The following MAST3 variants were observed in gnomAD, a reference collection of about 807,000 sequenced individuals.
MAST3 encodes the protein microtubule associated serine/threonine kinase 3.
Under a neutral mutation model 127.0 loss-of-function variants are expected in MAST3, and 43 were observed. The observed-to-expected ratio is 0.34, with a 90% confidence interval of 0.27 to 0.44. The LOEUF is 0.44. Ranked by LOEUF, MAST3 falls within the 20% of genes least tolerant of loss-of-function variation. The pLI is 1.00. For synonymous variants in MAST3, 785 were observed against 809.2 expected (o/e 0.97, Z 0.51); for missense variants, 1,390 against 1,919.1 (o/e 0.72, Z 5.15).
chr19:18,136,797 T>C (rs2041936295), intron 18 of MAST3, among the ~76,000 whole-genome samples: 1 of 151,816 alleles, frequency 6.6e-6, no homozygotes, highest in Non-Finnish European at 1.5e-5. Flanking sequence ...TTTGTTCCCA[T>C]TTTTCTGGTT....
chr19:18,132,087 G>A (rs1390845242), intron 15 of MAST3, 40 bp downstream of exon 15: 2 of 1,608,614 alleles, frequency 1.2e-6, no homozygotes, highest in Middle Eastern at 1.7e-4. Flanking sequence ...GCGGAGGGCG[G>A]GGCCAGAGAG....
At chr19:18,117,171 G>A (rs1320250252) in intron 3 of MAST3, among the ~76,000 whole-genome samples, 1 of 152,130 alleles carries the variant, frequency 6.6e-6, no homozygotes, top group African/African-American at 2.4e-5. Context: ...TCTGTTTTCA[G>A]TATGGGGGAT....
Position 18,145,996 on chromosome 19 carries a change from A to T in MAST3, c.3162+131A>T. ...TGTCAACTCCAGGCCTGGCACATCCACTTCCTTCGGCCCAGAATACATGTC... is the reference window on the plus strand; with the variant it reads ...TGTCAACTCCAGGCCTGGCACATCCTCTTCCTTCGGCCCAGAATACATGTC... On this transcript the variant is annotated intron_variant, in intron 25 of 27. Coordinates refer to ENST00000687212, the MANE Select transcript of MAST3 (RefSeq NM_001393504.1). The surrounding 1 kb of genome is among the most constrained non-coding windows in gnomAD (Gnocchi z 5.9). 8.7e-7 allele frequency: 1 copy of T among 1,150,520 alleles called. No homozygotes were observed. 71.3% of individuals were successfully genotyped at this position (1,150,520 alleles called of 1,614,324 possible).
chr19:18,135,034 G>A, intron 17 of MAST3, 52 bp downstream of exon 17: 1 of 1,536,148 alleles, frequency 6.5e-7, no homozygotes, highest in Non-Finnish European at 8.8e-7. Flanking sequence ...CCAGAGCTCT[G>A]GGCAGCGGTC....
At chr19:18,123,505 G>T (rs1305840578) in intron 7 of MAST3, 75 bp from the exon 8 acceptor site, 3 of 1,470,006 alleles carry the variant, frequency 2.0e-6, no homozygotes, top group Non-Finnish European at 2.7e-6. Context: ...CCTCAACCCT[G>T]GCTCAGATCC....
At position 18,123,651 on chromosome 19, in the gene MAST3, C is replaced by T. The variant is rs779431528; in HGVS notation, c.629C>T (p.Pro210Leu). 6.3e-7 allele frequency: 1 copy of T among 1,576,790 alleles called. No homozygotes were observed. The highest frequency in any genetic ancestry group is 2.3e-5 in the East Asian group (1 of 44,168). Residue 210 changes from proline (P) to leucine (L), a missense_variant, in exon 8 of 28, where the codon CCC becomes CTC. By Grantham distance (98) the Pro-to-Leu change is moderately conservative (BLOSUM62 -3). This residue lies in a region of MAST3 where 277 missense variants were observed against 384.8 expected (regional missense o/e 0.72). Coordinates refer to ENST00000687212, the MANE Select transcript of MAST3 (RefSeq NM_001393504.1). ...MMNHVYRERF[P>L]KATAQMEGRL... Reference sequence around the variant, plus strand: ...AATCACGTGTACCGGGAGAGGTTCCCCAAGGTGGGCAGCGCCTGGCGGCTG... The same window carrying T: ...AATCACGTGTACCGGGAGAGGTTCCTCAAGGTGGGCAGCGCCTGGCGGCTG...
Position 18,144,371 on chromosome 19 carries a change from G to C in MAST3, c.2585-95G>C, listed in dbSNP as rs959635423. 3 of 1,074,748 alleles carry C rather than the reference G, an allele frequency of 2.8e-6. No individual in the cohort carries two copies. The highest frequency in any genetic ancestry group is 1.4e-5 in the South Asian group (1 of 73,846). The allele number at this position is 1,074,748 out of a possible 1,614,324, so 66.6% of individuals were successfully genotyped here. A position where few individuals can be genotyped will look rare whatever the true frequency, so the allele number is the denominator to read the frequency against. On this transcript the variant is annotated intron_variant, in intron 22 of 27. Coordinates refer to ENST00000687212, the MANE Select transcript of MAST3 (RefSeq NM_001393504.1). This position sits in a 1 kb window ranked among gnomAD's most constrained non-coding sequence, Gnocchi z 4.0. ...TGAGCAAAGGCCAGGAGGCTGGACT[G>C]TGTAAATAGTGACCAGGGAGGAAGG...
At position 18,107,469 on chromosome 19, in the gene MAST3, G is replaced by T. The variant is rs192841426; in HGVS notation, c.40-118G>T. 15 of 1,025,216 alleles carry T rather than the reference G, an allele frequency of 1.5e-5. No homozygotes were observed. In the East Asian group the frequency reaches 3.3e-4, roughly 23 times the overall value. The allele number at this position is 1,025,216 out of a possible 1,614,324, so 63.5% of individuals were successfully genotyped here. A position where few individuals can be genotyped will look rare whatever the true frequency, so the allele number is the denominator to read the frequency against. On this transcript the variant is annotated intron_variant, in intron 1 of 27. Coordinates refer to ENST00000687212, the MANE Select transcript of MAST3 (RefSeq NM_001393504.1). ...GCAGGGCTGAGCCAGTGTGTAGAGT[G>T]AGCGGGAAAGATGCATTGGTTGGGG...
chr19:18,105,090 G>A (rs748440537), intron 1 of MAST3, among the ~76,000 whole-genome samples: 5 of 152,152 alleles, frequency 3.3e-5, no homozygotes, highest in Non-Finnish European at 5.9e-5. Context: ...GTGATTGACC[G>A]GGTGCGATGG....
At chr19:18,117,476 T>A (rs1160798900) in intron 3 of MAST3, among the ~76,000 whole-genome samples, 1 of 151,898 alleles carries the variant, frequency 6.6e-6, no homozygotes, top group Non-Finnish European at 1.5e-5. Flanking sequence ...ACACCCTCTA[T>A]GCCAGTCCGG....
chr19:18,114,119 C>T (rs980679145), intron 3 of MAST3, among the ~76,000 whole-genome samples: 1 of 152,184 alleles, frequency 6.6e-6, no homozygotes, highest in Admixed American at 6.5e-5. Context: ...TCCTTCCAGG[C>T]CCCACAAACA....
chr19:18,144,216 A>G lies in MAST3; in HGVS notation c.2584+209A>G, dbSNP rs373302231. On this transcript the variant is annotated intron_variant, in intron 22 of 27. Coordinates refer to ENST00000687212, the MANE Select transcript of MAST3 (RefSeq NM_001393504.1). This position sits in a 1 kb window ranked among gnomAD's most constrained non-coding sequence, Gnocchi z 4.0. ...CCCAGCTTCATAGAGTCAGGATGGG[A>G]CCCCTAGCTCCCAAGATGGGGGAAC... Among the ~76,000 whole-genome samples the G allele has an allele frequency of 1.6e-4, 24 of 152,122 alleles. No individual in the cohort carries two copies. In the East Asian group the frequency reaches 4.6e-3, roughly 29 times the overall value.
chr19:18,122,406 G>A (rs1205231272), intron 5 of MAST3, among the ~76,000 whole-genome samples: 2 of 151,712 alleles, frequency 1.3e-5, no homozygotes, highest in Non-Finnish European at 2.9e-5. Flanking sequence ...GGTGGTCAAT[G>A]TGTGCCCCAG....
intron 20 of MAST3, among the ~76,000 whole-genome samples, chr19:18,140,484 A>C (rs929226608): frequency 1.3e-4 from 20 of 152,184 alleles, no homozygotes; most frequent in African/African-American, 4.3e-4. Context: ...TGATTCCCCC[A>C]AAAATTTGTA....
Position 18,144,082 on chromosome 19 carries a change from C to T in MAST3, c.2584+75C>T. On this transcript the variant is annotated intron_variant, in intron 22 of 27. Transcript: ENST00000687212. The surrounding 1 kb of genome is among the most constrained non-coding windows in gnomAD (Gnocchi z 4.0). ...GGAGGGGCTATTTGAGATGGGTTTT[C>T]AAGGATGAGTAGGAGTTCTCCAGAG... is the stretch of plus-strand genomic sequence containing the variant. 2 of 1,510,496 alleles carry T rather than the reference C, an allele frequency of 1.3e-6. No individual in the cohort carries two copies. The allele number at this position is 1,510,496 out of a possible 1,614,324, so 93.6% of individuals were successfully genotyped here. A position where few individuals can be genotyped will look rare whatever the true frequency, so the allele number is the denominator to read the frequency against.
Position 18,128,889 on chromosome 19 carries a change from A to T in MAST3, c.1161A>T (p.Ser387=). The T allele has an allele frequency of 6.2e-7, 1 of 1,613,838 alleles. No individual in the cohort carries two copies. Among genetic ancestry groups the T allele is most frequent in the Non-Finnish European group, 8.5e-7 (1 of 1,179,886 alleles). The change falls in exon 13 of 28, where the codon TCA becomes TCT. Residue 387 remains serine, a synonymous_variant. Transcript: ENST00000687212. The stretch of plus-strand genomic sequence containing the variant: ...AGAGCCGCGCCCTGGTCGGCCAGTC[A>T]CGGAGGAAGCCATGCGAAAGCGACT... ...SPESRALVGQ[S]RRKPCESDFE...
intron 3 of MAST3, among the ~76,000 whole-genome samples, chr19:18,113,524 G>A (rs908580251): frequency 1.3e-5 from 2 of 151,978 alleles, no homozygotes; most frequent in Admixed American, 6.6e-5. Flanking sequence ...GAAGTGGCAC[G>A]ATCTTGGCTC....
At position 18,121,688 on chromosome 19, in the gene MAST3, C is replaced by T; in HGVS notation, c.165C>T (p.Cys55=). The T allele has an allele frequency of 2.5e-6, 4 of 1,613,628 alleles. No homozygotes were observed. The highest frequency in any genetic ancestry group is 2.5e-6 in the Non-Finnish European group (3 of 1,179,784). Residue 55 remains cysteine (C), a synonymous_variant, in exon 4 of 28, where the codon TGC becomes TGT. Coordinates refer to ENST00000687212, the MANE Select transcript of MAST3 (RefSeq NM_001393504.1). ...CTGTCCCCTTTTCCCCCCACAGCTG[C>T]CGCAGCGGGAACCGCAAGAGCTTGG... is the stretch of plus-strand genomic sequence containing the variant. ...SPSLGLHPWS[C]RSGNRKSLVV... is the part of the protein sequence containing the mutation.
chr19:18,149,575 G>T lies in MAST3; in HGVS notation c.3893G>T (p.Arg1298Leu), dbSNP rs1373638933. 1.9e-6 allele frequency: 3 copies of T among 1,603,814 alleles called. No individual in the cohort carries two copies. The highest frequency in any genetic ancestry group is 1.7e-6 in the Non-Finnish European group (2 of 1,175,902). ...VMRRLHLSER[R>L]DSFKKQEAVQ... is the part of the protein sequence containing the mutation. ...CGGCGGCTGCACCTGTCCGAGCGCC[G>T]AGACTCCTTCAAGAAGCAGGAGGCC... is the stretch of plus-strand genomic sequence containing the variant. The change falls in exon 28 of 28, where the codon CGA becomes CTA. Residue 1298 changes from arginine (R) to leucine (L), a missense_variant. By Grantham distance (102) the Arg-to-Leu change is moderately radical (BLOSUM62 -2). Coordinates refer to ENST00000687212, the MANE Select transcript of MAST3 (RefSeq NM_001393504.1). The surrounding 1 kb of genome is among the most constrained non-coding windows in gnomAD (Gnocchi z 5.9).
Sources: allele counts gnomAD v4.1 joint callset (sites outside exome capture counted in the v4.1 genomes callset), GRCh38; gene constraint gnomAD v4.1.1; regional missense constraint gnomAD v4.1.1; non-coding constraint Gnocchi (gnomAD v3.1); transcripts MANE v1.5; gene names NCBI Gene and HGNC (gene_info 2026-07-23, HGNC 2026-07-21).